The following SSR1 variants were observed in gnomAD, a reference collection of about 807,000 sequenced individuals.
SSR1 encodes signal sequence receptor subunit 1.
SSR1 carries 13 observed loss-of-function variants against 36.1 expected under a neutral mutation model. The ratio of observed to expected loss-of-function variants is 0.36; its 90% CI spans 0.23 to 0.57. The LOEUF (loss-of-function observed/expected upper bound fraction) is 0.57. SSR1 is among the 20% of genes least tolerant of loss of function. The pLI is 0.81. For synonymous variants in SSR1, 113 were observed against 118.9 expected (o/e 0.95, Z 0.32); for missense variants, 291 against 338.5 (o/e 0.86, Z 1.10).
chr6:7,290,594 A>G (rs1464722068), intron 7 of SSR1, among the ~76,000 whole-genome samples: 2 of 152,150 alleles, frequency 1.3e-5, no homozygotes, highest in Admixed American at 1.3e-4. Context: ...CATATTAGGA[A>G]GATTTTAGAA....
chr6:7,299,703 A>C (rs1757891082), intron 4 of SSR1, among the ~76,000 whole-genome samples: 1 of 152,092 alleles, frequency 6.6e-6, no homozygotes, highest in African/African-American at 2.4e-5. Context: ...AAAAAAAAAA[A>C]AGACAGTGGG....
intron 1 of SSR1, among the ~76,000 whole-genome samples, chr6:7,310,747 C>A (rs1758175260): frequency 6.6e-6 from 1 of 152,022 alleles, no homozygotes; most frequent in Non-Finnish European, 1.5e-5. Context: ...CCCGCCTCTA[C>A]TGAAAATGCA....
At chr6:7,309,722 A>G (rs976238241) in intron 2 of SSR1, among the ~76,000 whole-genome samples, 195 bp downstream of exon 2, 5 of 152,184 alleles carry the variant, frequency 3.3e-5, no homozygotes, top group African/African-American at 4.8e-5. Flanking sequence ...CCTTGTGAAG[A>G]AGGACATGTT....
chr6:7,308,753 A>AC (rs3837024), intron 2 of SSR1, among the ~76,000 whole-genome samples: 46,258 of 151,990 alleles, frequency 0.3, 7,814 homozygotes, highest in African/African-American at 0.46. Context: ...TGCCCCAAAA[A>AC]AAAGTCTGAA....
At chr6:7,295,094 T>C (rs1417697142) in intron 7 of SSR1, 7 of 1,520,762 alleles carry the variant, frequency 4.6e-6, no homozygotes, top group South Asian at 1.2e-5. Flanking sequence ...TCACCTCTTC[T>C]ACTCTGCACT....
chr6:7,295,044 C>T (rs1287226307), intron 7 of SSR1: 3 of 1,479,082 alleles, frequency 2.0e-6, no homozygotes, highest in African/African-American at 1.5e-5. Flanking sequence ...TTTGAGAGCC[C>T]CCAATTCTCT....
intron 4 of SSR1, 118 bp downstream of exon 4, chr6:7,301,192 G>T: frequency 8.1e-7 from 1 of 1,234,326 alleles, no homozygotes; most frequent in Non-Finnish European, 1.1e-6. Flanking sequence ...TTCCCTGGTG[G>T]CTATCACAGG....
chr6:7,312,845 G>A (rs959844311), intron 1 of SSR1, among the ~76,000 whole-genome samples, 197 bp downstream of exon 1: 4 of 152,352 alleles, frequency 2.6e-5, no homozygotes, highest in Non-Finnish European at 5.9e-5. Flanking sequence ...GCGTGCAAGG[G>A]GCAGGCCGCA....
intron 2 of SSR1, among the ~76,000 whole-genome samples, chr6:7,308,202 AG>A (rs1014334754): frequency 2.6e-5 from 4 of 152,196 alleles, no homozygotes; most frequent in African/African-American, 9.6e-5. Context: ...GTTCCTAAAG[AG>A]GGGGAAATTA....
chr6:7,292,843 T>C (rs1040246939), intron 7 of SSR1, among the ~76,000 whole-genome samples: 3 of 152,246 alleles, frequency 2.0e-5, no homozygotes, highest in African/African-American at 7.2e-5. Context: ...TCCTGTGCTC[T>C]TGTTACTTTG....
At chr6:7,295,277 T>C in intron 7 of SSR1, 115 bp downstream of exon 7, 2 of 1,094,256 alleles carry the variant, frequency 1.8e-6, no homozygotes, top group South Asian at 1.5e-5. Flanking sequence ...ACACAAGTAA[T>C]GGAAAAGATG....
Position 7,289,904 on chromosome 6 carries a change from C to A in SSR1, c.821G>T (p.Arg274Met). Residue 274 changes from arginine (R) to methionine (M), a missense_variant, in exon 8 of 8, where the codon AGG becomes ATG. By Grantham distance (91) the Arg-to-Met change is moderately conservative. Coordinates refer to ENST00000244763, the MANE Select transcript of SSR1 (RefSeq NM_003144.5). Reference protein sequence around the residue: ...INKASPRRLPRKRAQKRSVGS... With the variant: ...INKASPRRLPMKRAQKRSVGS... ...CACTGATCTCTTCTGTGCCCGTTTC[C>A]TGGGCAACCTTCTTGGTGAAGCTTT... The A allele has an allele frequency of 6.5e-7, 1 of 1,540,284 alleles. No individual in the cohort carries two copies. Among genetic ancestry groups the A allele is most frequent in the Admixed American group, 2.4e-5 (1 of 42,278 alleles).
rs540487132 is a variant in SSR1 at position 7,299,030 on chromosome 6, G to C, written c.544-207C>G. On this transcript the variant is annotated intron_variant, in intron 4 of 7. Coordinates refer to ENST00000244763, the MANE Select transcript of SSR1 (RefSeq NM_003144.5). ...CACATGAAATAAAGTCTCTGGGCCA[G>C]GTGAGATGGCGTATGCCTGTGGTCC... Among the ~76,000 whole-genome samples, 5 of 152,320 alleles carry C rather than the reference G, an allele frequency of 3.3e-5. No individual in the cohort carries two copies. In the South Asian group the frequency reaches 1.0e-3, roughly 32 times the overall value.
At chr6:7,291,810 A>C (rs1397455838) in intron 7 of SSR1, among the ~76,000 whole-genome samples, 2 of 151,872 alleles carry the variant, frequency 1.3e-5, no homozygotes, top group Non-Finnish European at 2.9e-5. Flanking sequence ...GGTGGCTCAC[A>C]CCTATAATCC....
At chr6:7,297,038 T>C (rs748508210) in intron 6 of SSR1, 5 of 224,796 alleles carry the variant, frequency 2.2e-5, no homozygotes, top group Non-Finnish European at 4.7e-5. Flanking sequence ...CTGGGCAACA[T>C]GGCGAAACCC....
At chr6:7,306,875 C>CGA in intron 2 of SSR1, among the ~76,000 whole-genome samples, 1 of 149,340 alleles carries the variant, frequency 6.7e-6, no homozygotes, top group Admixed American at 6.7e-5. Context: ...GAGATCCACG[C>CGA]CACTGCACTC....
rs1757555599 is a variant in SSR1 at position 7,286,426 on chromosome 6, CCTCTA to C, written c.*3433_*3437del. 1 of 152,176 alleles carries C rather than the reference CCTCTA, an allele frequency of 6.6e-6. No individual in the cohort carries two copies. Among genetic ancestry groups the C allele is most frequent in the African/African-American group, 2.4e-5 (1 of 41,436 alleles). 9.4% of individuals were successfully genotyped at this position (152,176 alleles called of 1,614,324 possible). A position where few individuals can be genotyped will look rare whatever the true frequency, so the allele number is the denominator to read the frequency against. ...CAAGGTGTTCTTCCTCCTCAAATATCCTCTAAGGATGAGCTTATAGACAGATTAAC... is the reference window on the plus strand; with the variant it reads ...CAAGGTGTTCTTCCTCCTCAAATATCAGGATGAGCTTATAGACAGATTAAC... On this transcript the variant is annotated 3_prime_UTR_variant, in exon 8 of 8. Transcript: ENST00000244763.
At chr6:7,301,288 A>G in intron 4 of SSR1, 22 bp downstream of exon 4, 1 of 1,606,662 alleles carries the variant, frequency 6.2e-7, no homozygotes, top group Non-Finnish European at 8.5e-7. Flanking sequence ...CTTAAACAAA[A>G]AGAAGGTTTA....
chr6:7,308,970 TCTA>T (rs1477025858), intron 2 of SSR1, among the ~76,000 whole-genome samples: 5 of 152,196 alleles, frequency 3.3e-5, no homozygotes, highest in African/African-American at 1.2e-4. Flanking sequence ...CAGTGCTATT[TCTA>T]CTATGTTGTT....
Sources: gnomAD v4.1 joint callset for allele counts (sites outside exome capture counted in the v4.1 genomes callset) on GRCh38, gnomAD v4.1.1 for gene constraint, MANE v1.5 for transcripts, NCBI Gene and HGNC (gene_info 2026-07-23, HGNC 2026-07-21) for gene names.